Variants in TANC2 observed in about 807,000 individuals in gnomAD.
The protein encoded by TANC2 is protein TANC2.
In TANC2, 26 loss-of-function variants were observed where a neutral mutation model predicts 210.5. The ratio of observed to expected loss-of-function variants is 0.12; its 90% CI spans 0.09 to 0.17. The LOEUF (loss-of-function observed/expected upper bound fraction) is 0.17, where lower values mean the gene tolerates loss of function less well. Ranked by LOEUF, TANC2 falls within the 10% of genes least tolerant of loss-of-function variation. The pLI, the probability that TANC2 is intolerant of heterozygous loss-of-function variation, is 1.00. For missense variants in TANC2, 2,129 were observed against 2,608.9 expected, an observed-to-expected ratio of 0.82 and a Z score of 4.01; for synonymous variants, 931 against 967.1, an observed-to-expected ratio of 0.96 and a Z score of 0.69.
chr17:63,280,677 C>G (rs1420563683), intron 9 of TANC2, among the ~76,000 whole-genome samples: 1 of 151,986 alleles, frequency 6.6e-6, no homozygotes, highest in Non-Finnish European at 1.5e-5. Context: ...ACTTCTTTGT[C>G]TGATTCTGTT....
At chr17:63,154,713 G>T (rs2039775202) in intron 5 of TANC2, 1 of 151,990 alleles carries the variant, frequency 6.6e-6, no homozygotes, top group Non-Finnish European at 1.5e-5. Context: ...TGATCCTAAG[G>T]TATAAGACAA....
intron 7 of TANC2, among the ~76,000 whole-genome samples, chr17:63,230,061 G>A (rs555676194): frequency 6.6e-6 from 1 of 152,260 alleles, no homozygotes; most frequent in African/African-American, 2.4e-5. Flanking sequence ...CTCCCAAAGT[G>A]ATGGGATTAC....
chr17:63,224,624 T>C (rs1006786650), intron 7 of TANC2, among the ~76,000 whole-genome samples: 13 of 152,330 alleles, frequency 8.5e-5, no homozygotes, highest in Middle Eastern at 6.8e-3. Context: ...CTCACTGATA[T>C]TAGAGACCCC....
chr17:63,201,094 A>G, intron 7 of TANC2, 137 bp downstream of exon 7: 1 of 699,406 alleles, frequency 1.4e-6, no homozygotes, highest in African/African-American at 1.8e-5. Context: ...CTTTTTAATG[A>G]TGCTGGAGAG....
chr17:63,357,777 T>C (rs967286550), intron 14 of TANC2, among the ~76,000 whole-genome samples: 1 of 152,244 alleles, frequency 6.6e-6, no homozygotes, highest in African/African-American at 2.4e-5. Context: ...GCACTTGTTT[T>C]CCATTTCAGG....
intron 5 of TANC2, among the ~76,000 whole-genome samples, chr17:63,180,087 C>T (rs183641471): frequency 2.9e-4 from 44 of 151,562 alleles, no homozygotes; most frequent in Admixed American, 8.5e-4. Context: ...CGAGGCTGAT[C>T]GTGTCACTGA....
At chr17:63,159,699 A>G (rs1407115866) in intron 5 of TANC2, among the ~76,000 whole-genome samples, 3 of 152,228 alleles carry the variant, frequency 2.0e-5, no homozygotes, top group Non-Finnish European at 4.4e-5. Context: ...ATGATTTGAA[A>G]TATACGGGAG....
intron 4 of TANC2, among the ~76,000 whole-genome samples, chr17:63,128,095 A>C (rs781664808): frequency 6.6e-6 from 1 of 152,222 alleles, no homozygotes; most frequent in Non-Finnish European, 1.5e-5. Flanking sequence ...ATACAGAAAG[A>C]AAGCACCTAT....
At chr17:63,050,393 T>C (rs537262957) in intron 2 of TANC2, among the ~76,000 whole-genome samples, 3 of 149,250 alleles carry the variant, frequency 2.0e-5, no homozygotes, top group East Asian at 1.9e-4. Flanking sequence ...AGTGGAAATA[T>C]AGGGTAGGCA....
intron 11 of TANC2, among the ~76,000 whole-genome samples, chr17:63,334,628 G>A (rs1225335468): frequency 6.6e-6 from 1 of 152,114 alleles, no homozygotes; most frequent in Non-Finnish European, 1.5e-5. Flanking sequence ...ATGGGCAAAA[G>A]TTTAAGGAGA....
intron 4 of TANC2, among the ~76,000 whole-genome samples, chr17:63,130,532 T>TAAAAAAAAAAA (rs2038881171): frequency 6.6e-6 from 1 of 152,042 alleles, no homozygotes; most frequent in South Asian, 2.1e-4. Context: ...AAAAAAGATT[T>TAAAAAAAAAAA]AAAAACCAAT....
intron 4 of TANC2, among the ~76,000 whole-genome samples, chr17:63,113,968 C>T (rs4261605): frequency 0.6 from 91,090 of 152,076 alleles, 29,855 homozygotes; most frequent in African/African-American, 0.87. Context: ...TTTCTGAAAA[C>T]GATTTTTAGA....
chr17:63,167,399 A>G (rs2040245427), intron 5 of TANC2, among the ~76,000 whole-genome samples: 1 of 152,198 alleles, frequency 6.6e-6, no homozygotes, highest in African/African-American at 2.4e-5. Context: ...GGTGGCATTT[A>G]CATGACAATC....
chr17:63,189,115 T>C (rs891053564), intron 5 of TANC2, among the ~76,000 whole-genome samples: 1 of 152,146 alleles, frequency 6.6e-6, no homozygotes, highest in Non-Finnish European at 1.5e-5. Flanking sequence ...CAGTATTTCT[T>C]TTTTTTTCAT....
intron 4 of TANC2, among the ~76,000 whole-genome samples, chr17:63,105,668 A>G (rs1003144043): frequency 1.3e-5 from 2 of 151,734 alleles, no homozygotes; most frequent in Admixed American, 6.6e-5. Context: ...TCTCATTTAT[A>G]TCTTGGAAAA....
Position 63,395,944 on chromosome 17 carries a change from T to C in TANC2, c.3237+16T>C. The C allele has an allele frequency of 6.3e-7, 1 of 1,591,364 alleles. No individual in the cohort carries two copies. The highest frequency in any genetic ancestry group is 8.6e-7 in the Non-Finnish European group (1 of 1,167,320). On this transcript the variant is annotated intron_variant, in intron 18 of 27. Transcript: ENST00000689528. ...TTATACTGAGGTAAGAAGTAGGCAATAGGATTGTTTTTTCAAGCTCTGTAT... is the reference window on the plus strand; with the variant it reads ...TTATACTGAGGTAAGAAGTAGGCAACAGGATTGTTTTTTCAAGCTCTGTAT...
At position 63,420,573 on chromosome 17, in the gene TANC2, C is replaced by T. The variant is rs753068166; in HGVS notation, c.4843C>T (p.Pro1615Ser). Residue 1615 changes from proline to serine, a missense_variant, in exon 28 of 28, where the codon CCT becomes TCT. Pro to Ser is a moderately conservative substitution (Grantham distance 74, BLOSUM62 -1). Transcript: ENST00000689528. This position sits in a 1 kb window ranked among gnomAD's most constrained non-coding sequence, Gnocchi z 4.2. ...AGGACAGGGCAAAGAATACCCAAGC[C>T]CTCCCCCTTCCCCTCTCCGGAGAGG... The T allele has an allele frequency of 1.9e-6, 3 of 1,613,768 alleles. No individual in the cohort carries two copies. The African/African-American group carries it at 4.0e-5, about 22-fold the overall frequency.
intron 11 of TANC2, among the ~76,000 whole-genome samples, chr17:63,319,574 C>T (rs1380847978): frequency 2.0e-5 from 3 of 152,196 alleles, no homozygotes; most frequent in South Asian, 4.1e-4. Flanking sequence ...TTCTCTCAAA[C>T]CCCTTATCTC....
chr17:63,207,981 T>C (rs1259348007), intron 7 of TANC2, among the ~76,000 whole-genome samples: 2 of 152,244 alleles, frequency 1.3e-5, no homozygotes, highest in Non-Finnish European at 2.9e-5. Context: ...ACTGATGAGG[T>C]TAAACAATCT....
Sources: allele counts gnomAD v4.1 joint callset (sites outside exome capture counted in the v4.1 genomes callset), GRCh38; gene constraint gnomAD v4.1.1; non-coding constraint Gnocchi (gnomAD v3.1); transcripts MANE v1.5; gene names NCBI Gene and HGNC (gene_info 2026-07-23, HGNC 2026-07-21).